CAMSAP2: variants seen among roughly 807,000 people sequenced by gnomAD.
CAMSAP2 encodes calmodulin regulated spectrin associated protein family member 2, also known as calmodulin-regulated spectrin-associated protein 2.
A neutral mutation model predicts 146.1 loss-of-function variants in CAMSAP2; 26 were observed. The ratio of observed to expected loss-of-function variants is 0.18; its 90% CI spans 0.13 to 0.25. CAMSAP2 has a LOEUF of 0.25. Ranked by LOEUF, CAMSAP2 falls within the 10% of genes least tolerant of loss-of-function variation. The pLI, the probability that CAMSAP2 is intolerant of heterozygous loss-of-function variation, is 1.00. For missense variants in CAMSAP2, 1,381 were observed against 1,759.3 expected, an observed-to-expected ratio of 0.78 and a Z score of 3.85; for synonymous variants, 499 against 596.6, an observed-to-expected ratio of 0.84 and a Z score of 2.38.
intron 2 of CAMSAP2, among the ~76,000 whole-genome samples, chr1:200,791,440 C>T (rs1041059463): frequency 2.0e-5 from 3 of 152,020 alleles, no homozygotes; most frequent in Non-Finnish European, 4.4e-5. Flanking sequence ...GCCATTATTT[C>T]TCTGAATATT....
chr1:200,829,148 C>T (rs895915212), intron 4 of CAMSAP2, among the ~76,000 whole-genome samples: 2 of 152,072 alleles, frequency 1.3e-5, no homozygotes, highest in African/African-American at 4.8e-5. Context: ...AGAGTGAAAC[C>T]GTCTCAAAAA....
At position 200,853,559 on chromosome 1, in the gene CAMSAP2, T is replaced by A; in HGVS notation, c.3823+64T>A. On this transcript the variant is annotated intron_variant, in intron 13 of 16. Transcript: ENST00000358823. The surrounding 1 kb of genome is among the most constrained non-coding windows in gnomAD (Gnocchi z 5.1). ...CACCAGCTTGATTGGTTTGTCATAC[T>A]AACTTGGTTGTACTTTGATGTGCAA... 7.6e-7 allele frequency: 1 copy of A among 1,311,918 alleles called. No homozygotes were observed. The highest frequency in any genetic ancestry group is 1.1e-6 in the Non-Finnish European group (1 of 927,956). 81.3% of individuals were successfully genotyped at this position (1,311,918 alleles called of 1,614,324 possible). A position where few individuals can be genotyped will look rare whatever the true frequency, so the allele number is the denominator to read the frequency against.
rs80284702 is a variant in CAMSAP2, at chr1:200,771,569, T to G, written c.399+10471T>G. Among the ~76,000 whole-genome samples, 805 of 152,322 alleles carry G rather than the reference T, an allele frequency of 5.3e-3. 19 individuals carry two copies. The East Asian group carries it at 0.053, about 10-fold the overall frequency. On this transcript the variant is annotated intron_variant, in intron 2 of 16. Coordinates refer to ENST00000358823, the MANE Select transcript of CAMSAP2 (RefSeq NM_203459.4). ...GTGTTAATTTCTGGTCATAAAGAGA[T>G]ATTTTAGACAAATTGGGGAGGTGGA...
Position 200,739,699 on chromosome 1 carries a change from C to T in CAMSAP2, c.-129C>T, listed in dbSNP as rs1558154377. On this transcript the variant is annotated 5_prime_UTR_variant, in exon 1 of 17. Transcript: ENST00000358823. This position sits in a 1 kb window ranked among gnomAD's most constrained non-coding sequence, Gnocchi z 4.8. The stretch of plus-strand genomic sequence containing the variant: ...GACAGCTGAGCTTCTCCTCCGTCGG[C>T]GCCCGGGCGGACATCGCCCGGGCCC... 7 of 863,828 alleles carry T rather than the reference C, an allele frequency of 8.1e-6. No individual in the cohort carries two copies. The highest frequency in any genetic ancestry group is 1.1e-5 in the Non-Finnish European group (7 of 632,494). The allele number at this position is 863,828 out of a possible 1,614,324, so 53.5% of individuals were successfully genotyped here.
intron 11 of CAMSAP2, among the ~76,000 whole-genome samples, chr1:200,851,160 A>G (rs1163773721): frequency 1.3e-5 from 2 of 152,134 alleles, no homozygotes; most frequent in East Asian, 1.9e-4. Flanking sequence ...CTCTTAGACC[A>G]TGACCTCCTA....
At chr1:200,847,997 T>C in intron 10 of CAMSAP2, 35 bp from the exon 11 acceptor site, 1 of 1,358,396 alleles carries the variant, frequency 7.4e-7, no homozygotes, top group Non-Finnish European at 1.0e-6. Context: ...ATTTCTAGGA[T>C]TTTTAAAGGA....
intron 1 of CAMSAP2, among the ~76,000 whole-genome samples, chr1:200,746,688 G>A (rs562239299): frequency 6.6e-6 from 1 of 150,492 alleles, no homozygotes; most frequent in East Asian, 2.0e-4. Context: ...GCGTGATCTC[G>A]GCTCACTGCA....
intron 14 of CAMSAP2, among the ~76,000 whole-genome samples, chr1:200,855,602 ATT>A (rs200995332): frequency 9.5e-5 from 14 of 148,058 alleles, no homozygotes; most frequent in African/African-American, 3.0e-4. Flanking sequence ...TTTATTATTA[ATT>A]TTTTTTTTTT....
At chr1:200,818,579 A>C (rs1395036943) in intron 4 of CAMSAP2, among the ~76,000 whole-genome samples, 1 of 152,012 alleles carries the variant, frequency 6.6e-6, no homozygotes, top group Non-Finnish European at 1.5e-5. Flanking sequence ...TGTGAAAATA[A>C]GGGTTAATTT....
chr1:200,847,827 A>G (rs1667500196), intron 10 of CAMSAP2, 118 bp downstream of exon 10: 2 of 1,010,750 alleles, frequency 2.0e-6, no homozygotes, highest in Non-Finnish European at 3.0e-6. Context: ...CCTAAATTTG[A>G]AAAAGGCAGT....
chr1:200,796,299 G>A (rs1439781497), intron 2 of CAMSAP2, among the ~76,000 whole-genome samples: 1 of 152,090 alleles, frequency 6.6e-6, no homozygotes, highest in African/African-American at 2.4e-5. Context: ...TAGACATATG[G>A]GCTTATTTAT....
intron 2 of CAMSAP2, among the ~76,000 whole-genome samples, chr1:200,785,031 T>C (rs945544130): frequency 9.2e-5 from 14 of 152,258 alleles, no homozygotes; most frequent in Admixed American, 4.6e-4. Context: ...ATGGCTGTTC[T>C]CATTTATCCT....
At chr1:200,850,334 G>C (rs1259621681) in intron 11 of CAMSAP2, 100 bp downstream of exon 11, 4 of 1,028,134 alleles carry the variant, frequency 3.9e-6, no homozygotes, top group Non-Finnish European at 5.6e-6. Context: ...TCTTTCAGTA[G>C]CAGTCCCTTT....
intron 2 of CAMSAP2, among the ~76,000 whole-genome samples, chr1:200,766,115 GTTTA>G (rs1273987752): frequency 2.7e-5 from 4 of 149,434 alleles, no homozygotes; most frequent in African/African-American, 7.4e-5. Context: ...TTTATCTATT[GTTTA>G]TTTATGAGAC....
At chr1:200,831,836 A>G (rs1469357447) in intron 4 of CAMSAP2, among the ~76,000 whole-genome samples, 4 of 152,120 alleles carry the variant, frequency 2.6e-5, no homozygotes, top group Non-Finnish European at 2.9e-5. Context: ...TTCAGTTTAA[A>G]TTAAGTCTGA....
intron 2 of CAMSAP2, among the ~76,000 whole-genome samples, chr1:200,784,089 G>C (rs1158603456): frequency 2.0e-5 from 3 of 151,722 alleles, no homozygotes; most frequent in Non-Finnish European, 4.4e-5. Flanking sequence ...ATTGAAGACT[G>C]TTGTCTCCTC....
intron 2 of CAMSAP2, among the ~76,000 whole-genome samples, chr1:200,769,153 G>A (rs1665043042): frequency 6.6e-6 from 1 of 151,976 alleles, no homozygotes; most frequent in East Asian, 1.9e-4. Context: ...AGAGCCTCGG[G>A]GTCTAGATGT....
At chr1:200,845,414 G>A (rs937474452) in intron 8 of CAMSAP2, among the ~76,000 whole-genome samples, 5 of 152,130 alleles carry the variant, frequency 3.3e-5, no homozygotes, top group South Asian at 2.1e-4. Context: ...GGAGGACACC[G>A]GGAATAATTC....
chr1:200,765,772 G>A (rs1664932679), intron 2 of CAMSAP2, among the ~76,000 whole-genome samples: 1 of 152,152 alleles, frequency 6.6e-6, no homozygotes. Context: ...GAAAAGGGAT[G>A]GGATGAGAGT....
Sources: gnomAD v4.1 joint callset for allele counts (sites outside exome capture counted in the v4.1 genomes callset) on GRCh38, gnomAD v4.1.1 for gene constraint, Gnocchi (gnomAD v3.1) non-coding constraint, MANE v1.5 for transcripts, NCBI Gene and HGNC (gene_info 2026-07-23, HGNC 2026-07-21) for gene names.